The following FBXO10 variants were observed in gnomAD, a reference collection of about 807,000 sequenced individuals.
FBXO10 encodes F-box protein 10.
FBXO10 carries 39 observed loss-of-function variants against 80.7 expected under a neutral mutation model. The observed-to-expected ratio is 0.48, with a 90% CI of 0.37 to 0.63. FBXO10 has a LOEUF of 0.63. Ranked by LOEUF, FBXO10 falls within the 30% of genes least tolerant of loss-of-function variation. The pLI is 0.00. For synonymous variants in FBXO10, 449 were observed against 489.6 expected (o/e 0.92, Z 1.09); for missense variants, 1,025 against 1,269.0 (o/e 0.81, Z 2.92).
At chr9:37,570,648 T>C (rs952277459) in intron 1 of FBXO10, among the ~76,000 whole-genome samples, 2 of 151,900 alleles carry the variant, frequency 1.3e-5, no homozygotes, top group Non-Finnish European at 2.9e-5. Context: ...TAAAATGAAA[T>C]CAGAATGAAA....
At chr9:37,540,267 A>C (rs192789127) in intron 2 of FBXO10, among the ~76,000 whole-genome samples, 3 of 151,832 alleles carry the variant, frequency 2.0e-5, no homozygotes, top group African/African-American at 7.3e-5. Flanking sequence ...AGCTCACTGC[A>C]ACCTCCGCCT....
intron 8 of FBXO10, among the ~76,000 whole-genome samples, chr9:37,520,271 T>C (rs1198153202): frequency 6.9e-6 from 1 of 144,602 alleles, no homozygotes; most frequent in African/African-American, 2.6e-5. Context: ...ACACAGTAAT[T>C]ATTTTTTTTT....
At chr9:37,513,793 T>C (rs1821119211) in intron 10 of FBXO10, among the ~76,000 whole-genome samples, 1 of 152,156 alleles carries the variant, frequency 6.6e-6, no homozygotes, top group Non-Finnish European at 1.5e-5. Flanking sequence ...TTTCACCATG[T>C]TGGCCAGGCT....
At chr9:37,539,162 T>C (rs1040535094) in intron 2 of FBXO10, among the ~76,000 whole-genome samples, 2 of 152,272 alleles carry the variant, frequency 1.3e-5, no homozygotes, top group South Asian at 4.1e-4. Flanking sequence ...GTTTTAAAAT[T>C]GACCTTTGAT....
chr9:37,568,885 C>A (rs1347000286), intron 1 of FBXO10, among the ~76,000 whole-genome samples: 1 of 152,022 alleles, frequency 6.6e-6, no homozygotes, highest in Non-Finnish European at 1.5e-5. Context: ...TGTATAACAT[C>A]CACATTAGTA....
chr9:37,524,656 C>T (rs1337760300), intron 6 of FBXO10, among the ~76,000 whole-genome samples: 1 of 152,178 alleles, frequency 6.6e-6, no homozygotes. Flanking sequence ...AGAGAGGAGG[C>T]ATCCTGGGTA....
At chr9:37,524,089 AC>A (rs772880381) in intron 6 of FBXO10, among the ~76,000 whole-genome samples, 53 of 152,070 alleles carry the variant, frequency 3.5e-4, no homozygotes, top group Non-Finnish European at 5.3e-4. Flanking sequence ...CTTGTGCACC[AC>A]ACTCCAGTCC....
intron 9 of FBXO10, among the ~76,000 whole-genome samples, chr9:37,517,386 G>T (rs970499075): frequency 2.0e-5 from 3 of 152,122 alleles, no homozygotes; most frequent in Admixed American, 1.3e-4. Context: ...GAGCCCTTGG[G>T]ATCGTAATTC....
chr9:37,570,711 A>G (rs1822728759), intron 1 of FBXO10, among the ~76,000 whole-genome samples: 1 of 152,110 alleles, frequency 6.6e-6, no homozygotes, highest in Admixed American at 6.6e-5. Flanking sequence ...AATATTATAA[A>G]CGGCCAGGTG....
intron 1 of FBXO10, chr9:37,575,621 G>A (rs1201634599): frequency 1.3e-5 from 2 of 152,238 alleles, no homozygotes; most frequent in African/African-American, 2.4e-5. Flanking sequence ...CCAGAGTTCT[G>A]GCTCCTCAAA....
At chr9:37,555,516 G>T in intron 1 of FBXO10, among the ~76,000 whole-genome samples, 1 of 152,016 alleles carries the variant, frequency 6.6e-6, no homozygotes, top group Admixed American at 6.6e-5. Flanking sequence ...GAGTAGCTGG[G>T]ATTACAGGCG....
At chr9:37,572,215 T>C (rs1588866232) in intron 1 of FBXO10, among the ~76,000 whole-genome samples, 1 of 151,974 alleles carries the variant, frequency 6.6e-6, no homozygotes, top group African/African-American at 2.4e-5. Context: ...CACATGAAAA[T>C]AGTTAAAATA....
intron 7 of FBXO10, among the ~76,000 whole-genome samples, 179 bp downstream of exon 7, chr9:37,522,646 A>G (rs901339104): frequency 4.6e-5 from 7 of 152,272 alleles, no homozygotes; most frequent in Non-Finnish European, 1.0e-4. Context: ...CTGGACTACA[A>G]TGTGATTTGT....
chr9:37,552,698 A>G (rs1415790466), intron 1 of FBXO10, among the ~76,000 whole-genome samples: 2 of 151,682 alleles, frequency 1.3e-5, no homozygotes, highest in Admixed American at 6.6e-5. Flanking sequence ...TATCAAAAAA[A>G]AAAAAAAAAA....
chr9:37,537,028 T>C, intron 3 of FBXO10, 82 bp downstream of exon 3: 3 of 1,107,490 alleles, frequency 2.7e-6, no homozygotes, highest in Non-Finnish European at 3.9e-6. Flanking sequence ...AAAATTATTT[T>C]TAAAATGCAA....
At chr9:37,569,288 AGGCAGCTTCATAATGAT>A (rs1822687067) in intron 1 of FBXO10, among the ~76,000 whole-genome samples, 1 of 151,868 alleles carries the variant, frequency 6.6e-6, no homozygotes, top group African/African-American at 2.4e-5. Context: ...GAAACAAAAA[AGGCAGCTTCATAATGAT>A]AAAAAGTGAA....
chr9:37,561,144 AAAAAC>A (rs1252592139), intron 1 of FBXO10, among the ~76,000 whole-genome samples: 19 of 151,828 alleles, frequency 1.3e-4, no homozygotes, highest in African/African-American at 4.6e-4. Flanking sequence ...TCCGTCTCAA[AAAAAC>A]AAAACAAAAC....
At chr9:37,535,706 C>T (rs928388309) in intron 3 of FBXO10, among the ~76,000 whole-genome samples, 3 of 152,174 alleles carry the variant, frequency 2.0e-5, no homozygotes, top group African/African-American at 7.2e-5. Flanking sequence ...TCCTGCCAGC[C>T]TTTACCCTCC....
chr9:37,528,525 T>G (rs1306835169), intron 5 of FBXO10, among the ~76,000 whole-genome samples: 1 of 152,162 alleles, frequency 6.6e-6, no homozygotes, highest in East Asian at 1.9e-4. Context: ...CTTACCCATA[T>G]TCCAAAGTCT....
Sources: gnomAD v4.1 joint callset for allele counts (sites outside exome capture counted in the v4.1 genomes callset) on GRCh38, gnomAD v4.1.1 for gene constraint, MANE v1.5 for transcripts, NCBI Gene and HGNC (gene_info 2026-07-23, HGNC 2026-07-21) for gene names.